CCBE1: variants seen among roughly 807,000 people sequenced by gnomAD.
The protein encoded by CCBE1 is collagen and calcium binding EGF domains 1, also known as collagen and calcium-binding EGF domain-containing protein 1.
Under a neutral mutation model 50.0 loss-of-function variants are expected in CCBE1, and 37 were observed. The ratio of observed to expected loss-of-function variants is 0.74; its 90% CI spans 0.57 to 0.97. The LOEUF is 0.97. Among genes scored for constraint, CCBE1 ranks in the 50% least tolerant of loss-of-function variants. CCBE1 has a pLI of 0.00. For missense variants in CCBE1, 538 were observed against 523.8 expected (o/e 1.03, Z -0.26); for synonymous variants, 234 against 203.7 (o/e 1.15, Z -1.27).
At chr18:59,566,615 T>A (rs2052832438) in intron 2 of CCBE1, among the ~76,000 whole-genome samples, 1 of 152,218 alleles carries the variant, frequency 6.6e-6, no homozygotes, top group South Asian at 2.1e-4. Flanking sequence ...GGAACTGAGC[T>A]GTTCTGTTCT....
At chr18:59,660,678 G>A (rs1345265582) in intron 2 of CCBE1, among the ~76,000 whole-genome samples, 1 of 152,018 alleles carries the variant, frequency 6.6e-6, no homozygotes, top group Non-Finnish European at 1.5e-5. Flanking sequence ...GCCCACCTAA[G>A]TCAAACAGCC....
intron 2 of CCBE1, among the ~76,000 whole-genome samples, chr18:59,667,650 C>T (rs2054374363): frequency 6.6e-6 from 1 of 152,204 alleles, no homozygotes; most frequent in Non-Finnish European, 1.5e-5. Flanking sequence ...ACACCAGCCT[C>T]TCTCCCCTCA....
chr18:59,544,267 C>T (rs1314524365), intron 2 of CCBE1, among the ~76,000 whole-genome samples: 1 of 152,186 alleles, frequency 6.6e-6, no homozygotes, highest in Non-Finnish European at 1.5e-5. Flanking sequence ...CTCCTTGAAG[C>T]TTAACTGATC....
At chr18:59,666,900 G>A (rs1028486294) in intron 2 of CCBE1, among the ~76,000 whole-genome samples, 3 of 152,188 alleles carry the variant, frequency 2.0e-5, no homozygotes, top group African/African-American at 7.2e-5. Context: ...GGGAGGCGGA[G>A]GTTGCAGTGA....
intron 3 of CCBE1, among the ~76,000 whole-genome samples, chr18:59,478,238 T>C (rs1912404687): frequency 6.6e-6 from 1 of 152,086 alleles, no homozygotes; most frequent in Non-Finnish European, 1.5e-5. Flanking sequence ...TTTAAAAAAG[T>C]CTCAATCTCT....
intron 2 of CCBE1, among the ~76,000 whole-genome samples, chr18:59,653,956 A>T (rs1211294869): frequency 6.6e-6 from 1 of 152,224 alleles, no homozygotes; most frequent in African/African-American, 2.4e-5. Flanking sequence ...AAAACTACTG[A>T]TGCTAGAGAT....
At chr18:59,517,931 A>G (rs888374986) in intron 2 of CCBE1, among the ~76,000 whole-genome samples, 6 of 152,210 alleles carry the variant, frequency 3.9e-5, no homozygotes, top group African/African-American at 1.2e-4. Flanking sequence ...CATTATGTCC[A>G]GAATTGTTGG....
intron 2 of CCBE1, among the ~76,000 whole-genome samples, chr18:59,657,000 C>A (rs2054200004): frequency 6.6e-6 from 1 of 152,188 alleles, no homozygotes; most frequent in African/African-American, 2.4e-5. Context: ...CCCCTGGGAG[C>A]AATGGAATGG....
At chr18:59,553,617 T>G (rs1414481064) in intron 2 of CCBE1, among the ~76,000 whole-genome samples, 2 of 152,240 alleles carry the variant, frequency 1.3e-5, no homozygotes. Flanking sequence ...GATGAAGTTT[T>G]GTACATGATC....
chr18:59,689,817 A>T (rs1029115988), intron 2 of CCBE1, among the ~76,000 whole-genome samples: 2 of 152,178 alleles, frequency 1.3e-5, no homozygotes, highest in African/African-American at 4.8e-5. Context: ...ACATTGCAAT[A>T]ATTCTTGGAA....
At chr18:59,684,603 G>A (rs769121768) in intron 2 of CCBE1, among the ~76,000 whole-genome samples, 9 of 152,192 alleles carry the variant, frequency 5.9e-5, no homozygotes, top group Non-Finnish European at 1.0e-4. Flanking sequence ...GAGCCTCGGG[G>A]TACCTCTATA....
chr18:59,669,967 A>G (rs1250823283), intron 2 of CCBE1, among the ~76,000 whole-genome samples: 1 of 152,208 alleles, frequency 6.6e-6, no homozygotes, highest in Non-Finnish European at 1.5e-5. Flanking sequence ...ATTTGTCTGA[A>G]TATTTGGCTG....
chr18:59,540,349 C>A (rs1269443164), intron 2 of CCBE1, among the ~76,000 whole-genome samples: 1 of 152,066 alleles, frequency 6.6e-6, no homozygotes, highest in Non-Finnish European at 1.5e-5. Context: ...ACATAGGACC[C>A]AGAAAGACAG....
At chr18:59,451,127 G>A (rs982468127) in intron 6 of CCBE1, among the ~76,000 whole-genome samples, 16 of 152,090 alleles carry the variant, frequency 1.1e-4, no homozygotes, top group Admixed American at 1.3e-4. Context: ...AATCCTCTCC[G>A]TAGTGTTTTG....
At chr18:59,522,153 A>G (rs1251556581) in intron 2 of CCBE1, among the ~76,000 whole-genome samples, 1 of 151,928 alleles carries the variant, frequency 6.6e-6, no homozygotes, top group Non-Finnish European at 1.5e-5. Flanking sequence ...CATTTGTATA[A>G]TCTAAATTTC....
chr18:59,529,331 A>G (rs1011675460), intron 2 of CCBE1, among the ~76,000 whole-genome samples: 1 of 152,216 alleles, frequency 6.6e-6, no homozygotes, highest in African/African-American at 2.4e-5. Context: ...GGCAGGGGAA[A>G]ATGGCAGACT....
chr18:59,559,242 G>A (rs1201216646), intron 2 of CCBE1, among the ~76,000 whole-genome samples: 1 of 152,246 alleles, frequency 6.6e-6, no homozygotes, highest in Non-Finnish European at 1.5e-5. Context: ...TACTGGCTGA[G>A]TTGGATGGGT....
intron 2 of CCBE1, among the ~76,000 whole-genome samples, chr18:59,675,804 C>A (rs1409003302): frequency 6.6e-6 from 1 of 152,178 alleles, no homozygotes; most frequent in Admixed American, 6.5e-5. Context: ...AGGAGGTATA[C>A]ATCAGACCTA....
At chr18:59,682,071 C>T (rs1248032665) in intron 2 of CCBE1, among the ~76,000 whole-genome samples, 1 of 152,172 alleles carries the variant, frequency 6.6e-6, no homozygotes, top group African/African-American at 2.4e-5. Flanking sequence ...CATTAAAAAC[C>T]ATGTCTCCCA....
Sources: gnomAD v4.1 joint callset for allele counts (sites outside exome capture counted in the v4.1 genomes callset) on GRCh38, gnomAD v4.1.1 for gene constraint, MANE v1.5 for transcripts, NCBI Gene and HGNC (gene_info 2026-07-23, HGNC 2026-07-21) for gene names.